EXOC6B: variants seen among roughly 807,000 people sequenced by gnomAD.
EXOC6B encodes the protein exocyst complex component 6B.
A neutral mutation model predicts 113.5 loss-of-function variants in EXOC6B; 54 were observed. The ratio of observed to expected loss-of-function variants is 0.48; its 90% CI spans 0.38 to 0.60. The LOEUF (loss-of-function observed/expected upper bound fraction) is 0.60. Ranked by LOEUF, EXOC6B falls within the 20% of genes least tolerant of loss-of-function variation. The probability of loss-of-function intolerance (pLI) is 0.00; values close to 1 mark genes in which losing one functional copy is unlikely to be tolerated. For missense variants in EXOC6B, 797 were observed against 977.5 expected (o/e 0.82, Z 2.46); for synonymous variants, 357 against 339.0 (o/e 1.05, Z -0.58).
intron 3 of EXOC6B, among the ~76,000 whole-genome samples, chr2:72,732,714 G>A (rs185258909): frequency 6.6e-4 from 101 of 152,252 alleles, no homozygotes; most frequent in African/African-American, 2.4e-3. Flanking sequence ...GGGTGAGAGT[G>A]AGACTACAAT....
rs111242065 is a variant in EXOC6B, at chr2:72,436,481, C to A, written c.1980+28679G>T. ...TTGGGGAAGTTCTCCTGGATAATAT[C>A]CTGAAGTGTGTTTTCCAACTTGGTT... On this transcript the variant is annotated intron_variant, in intron 18 of 21. Coordinates refer to ENST00000272427, the MANE Select transcript of EXOC6B (RefSeq NM_015189.3). Among the ~76,000 whole-genome samples the A allele has an allele frequency of 1.5e-4, 23 of 152,246 alleles. 2 individuals carry two copies. The highest frequency in any genetic ancestry group is 4.6e-4 in the African/African-American group (19 of 41,548).
At chr2:72,258,561 G>C (rs1440146285) in intron 20 of EXOC6B, among the ~76,000 whole-genome samples, 1 of 151,030 alleles carries the variant, frequency 6.6e-6, no homozygotes. Flanking sequence ...TAGAGATAAG[G>C]GTCTCCCTAT....
intron 18 of EXOC6B, chr2:72,464,017 A>T (rs562760719): frequency 6.0e-4 from 92 of 152,272 alleles, no homozygotes; most frequent in African/African-American, 2.1e-3. Context: ...AAGTATACTA[A>T]TCCCATTTGC....
chr2:72,731,361 A>C, intron 3 of EXOC6B, 116 bp from the exon 4 acceptor site: 2 of 744,268 alleles, frequency 2.7e-6, no homozygotes, highest in East Asian at 5.4e-5. Context: ...TTTCATAGTA[A>C]GACCTGCCAA....
intron 18 of EXOC6B, among the ~76,000 whole-genome samples, chr2:72,391,707 C>T (rs1394871803): frequency 6.6e-6 from 1 of 152,030 alleles, no homozygotes; most frequent in Non-Finnish European, 1.5e-5. Flanking sequence ...AACTGTGTTC[C>T]ACCTATCTCA....
intron 6 of EXOC6B, among the ~76,000 whole-genome samples, chr2:72,578,436 T>G (rs1705008033): frequency 6.6e-6 from 1 of 152,092 alleles, no homozygotes; most frequent in Non-Finnish European, 1.5e-5. Context: ...CTGGGTAAAT[T>G]TCCACTTCTA....
At chr2:72,601,244 G>A (rs1384140575) in intron 6 of EXOC6B, among the ~76,000 whole-genome samples, 2 of 151,438 alleles carry the variant, frequency 1.3e-5, no homozygotes, top group African/African-American at 4.9e-5. Context: ...GTGCAGTGGC[G>A]TGATCTCAGC....
chr2:72,255,885 G>C (rs1284768271), intron 20 of EXOC6B, among the ~76,000 whole-genome samples: 1 of 152,190 alleles, frequency 6.6e-6, no homozygotes, highest in Admixed American at 6.5e-5. Flanking sequence ...ATTTTTGAGA[G>C]CCAGAGGATA....
At chr2:72,676,121 TAG>T (rs1676285626) in intron 6 of EXOC6B, among the ~76,000 whole-genome samples, 1 of 149,534 alleles carries the variant, frequency 6.7e-6, no homozygotes, top group Non-Finnish European at 1.5e-5. Flanking sequence ...CAATTCATTC[TAG>T]TTTAAAAAAA....
Position 72,234,177 on chromosome 2 carries a change from C to G in EXOC6B, c.2197-49990G>C, listed in dbSNP as rs112377076. 6.0e-3 allele frequency among the ~76,000 whole-genome samples: 917 copies of G among 152,012 alleles called. 11 individuals carry two copies. Among genetic ancestry groups the G allele is most frequent in the African/African-American group, 0.021 (858 of 41,420 alleles). ...TCTCAGCTCACTGCAACCTCCGTCC[C>G]CCCGGTTTAAGCAATTCTCTGCCTC... On this transcript the variant is annotated intron_variant, in intron 20 of 21. Transcript: ENST00000272427.
At chr2:72,402,775 T>C (rs1420452900) in intron 18 of EXOC6B, among the ~76,000 whole-genome samples, 3 of 152,194 alleles carry the variant, frequency 2.0e-5, no homozygotes, top group African/African-American at 4.8e-5. Flanking sequence ...GATCCCCCTT[T>C]CAATGGGGTT....
intron 16 of EXOC6B, among the ~76,000 whole-genome samples, chr2:72,484,508 A>G (rs1699309137): frequency 6.8e-6 from 1 of 147,406 alleles, no homozygotes; most frequent in African/African-American, 2.5e-5. Flanking sequence ...CGGAGCTTGC[A>G]GTGAGCCGAG....
At chr2:72,547,185 CA>C (rs1702957108) in intron 8 of EXOC6B, among the ~76,000 whole-genome samples, 1 of 152,180 alleles carries the variant, frequency 6.6e-6, no homozygotes, top group Non-Finnish European at 1.5e-5. Flanking sequence ...ATTCACTGCA[CA>C]ATGATATTCT....
At chr2:72,509,870 G>C (rs1439272248) in intron 11 of EXOC6B, among the ~76,000 whole-genome samples, 1 of 151,768 alleles carries the variant, frequency 6.6e-6, no homozygotes, top group Non-Finnish European at 1.5e-5. Flanking sequence ...GTCTTGCTCT[G>C]TCACCCAGGC....
rs758432488 is a variant in EXOC6B at position 72,379,865 on chromosome 2, C to A, written c.1986G>T (p.Lys662Asn). The A allele has an allele frequency of 1.2e-6, 2 of 1,605,522 alleles. No individual in the cohort carries two copies. Among genetic ancestry groups the A allele is most frequent in the South Asian group, 2.2e-5 (2 of 89,676 alleles). Residue 662 changes from lysine to asparagine, a missense_variant, in exon 19 of 22, where the codon AAG becomes AAT. Physicochemically the swap from Lys to Asn is moderately conservative, Grantham distance 94 (BLOSUM62 0). Coordinates refer to ENST00000272427, the MANE Select transcript of EXOC6B (RefSeq NM_015189.3). ...CTGACATACACGCTGTCTGGGCCAC[C>A]TTTCCCTGAAACACAAGAGTGTAAA... is the stretch of plus-strand genomic sequence containing the variant. ...TFAVFTHLPG[K>N]VAQTACMSAC...
intron 18 of EXOC6B, among the ~76,000 whole-genome samples, chr2:72,399,467 A>G (rs1021901726): frequency 2.1e-4 from 32 of 152,170 alleles, no homozygotes; most frequent in African/African-American, 7.0e-4. Context: ...AAGTCAAACT[A>G]TCTCACTAAA....
chr2:72,645,371 G>A (rs1370938492), intron 6 of EXOC6B, among the ~76,000 whole-genome samples: 1 of 152,058 alleles, frequency 6.6e-6, no homozygotes, highest in Admixed American at 6.6e-5. Context: ...GTCAATATTA[G>A]ACAGATAAAT....
At chr2:72,332,606 A>C (rs1688472778) in intron 20 of EXOC6B, among the ~76,000 whole-genome samples, 1 of 152,068 alleles carries the variant, frequency 6.6e-6, no homozygotes, top group Non-Finnish European at 1.5e-5. Flanking sequence ...CTAAGGTGGA[A>C]CTTGCTGCTT....
At chr2:72,380,852 A>C (rs570969447) in intron 18 of EXOC6B, among the ~76,000 whole-genome samples, 1 of 152,304 alleles carries the variant, frequency 6.6e-6, no homozygotes, top group South Asian at 2.1e-4. Context: ...GAATTACATA[A>C]ATTTTATATC....
Sources: gnomAD v4.1 joint callset for allele counts (sites outside exome capture counted in the v4.1 genomes callset) on GRCh38, gnomAD v4.1.1 for gene constraint, MANE v1.5 for transcripts, NCBI Gene and HGNC (gene_info 2026-07-23, HGNC 2026-07-21) for gene names.